Variants in UGGT2 observed in about 807,000 individuals in gnomAD.
The protein encoded by UGGT2 is UDP-glucose glycoprotein glucosyltransferase 2.
Under a neutral mutation model 192.1 loss-of-function variants are expected in UGGT2, and 180 were observed. The observed-to-expected ratio is 0.94, with a 90% CI of 0.83 to 1.06. The LOEUF (loss-of-function observed/expected upper bound fraction) is 1.06. Among genes scored for constraint, UGGT2 ranks in the 50% least tolerant of loss-of-function variants. The probability of loss-of-function intolerance (pLI) is 0.00; values close to 1 mark genes in which losing one functional copy is unlikely to be tolerated. For synonymous variants in UGGT2, 580 were observed against 591.0 expected, an observed-to-expected ratio of 0.98 and a Z score of 0.27; for missense variants, 1,849 against 1,795.7, an observed-to-expected ratio of 1.03 and a Z score of -0.54.
At chr13:95,846,841 G>A (rs982030922) in intron 36 of UGGT2, among the ~76,000 whole-genome samples, 8 of 152,146 alleles carry the variant, frequency 5.3e-5, no homozygotes, top group Non-Finnish European at 1.2e-4. Flanking sequence ...GGTATTACCA[G>A]AAAGTTGATT....
chr13:95,942,072 T>C (rs1370623495), intron 15 of UGGT2, among the ~76,000 whole-genome samples: 2 of 152,230 alleles, frequency 1.3e-5, no homozygotes, highest in Non-Finnish European at 2.9e-5. Flanking sequence ...GCATATGATA[T>C]TTCATTCTAA....
rs1186455294 is a variant in UGGT2, at chr13:96,039,132, T to G, written c.159-7161A>C. ...GTTTCAAAGCCTGAGAATAACTCTC[T>G]GTGGCCTGATGCTTCACCCTCTGTG... is the stretch of plus-strand genomic sequence containing the variant. On this transcript the variant is annotated intron_variant, in intron 1 of 38. Coordinates refer to ENST00000376747, the MANE Select transcript of UGGT2 (RefSeq NM_020121.4). 2.6e-5 allele frequency among the ~76,000 whole-genome samples: 4 copies of G among 152,230 alleles called. No homozygotes were observed. In the East Asian group the frequency reaches 7.7e-4, roughly 29 times the overall value.
intron 17 of UGGT2, among the ~76,000 whole-genome samples, chr13:95,932,657 T>C (rs73560819): frequency 0.018 from 2,763 of 152,286 alleles, 85 homozygotes; most frequent in African/African-American, 0.063. Context: ...TGGGCATCCT[T>C]TTCCTGTTCC....
intron 20 of UGGT2, 60 bp from the exon 21 acceptor site, chr13:95,903,120 TA>T: frequency 6.7e-7 from 1 of 1,500,322 alleles, no homozygotes; most frequent in Non-Finnish European, 9.0e-7. Context: ...TACAGGTGAA[TA>T]TATTTTCTTT....
chr13:96,000,226 T>C (rs1466774502), intron 5 of UGGT2, among the ~76,000 whole-genome samples: 5 of 152,196 alleles, frequency 3.3e-5, no homozygotes, highest in Non-Finnish European at 7.3e-5. Flanking sequence ...AGGGACAGTT[T>C]TGCATGATAG....
chr13:96,031,508 GGTCTTGCTATACTGCCCAGGCTA>G (rs2052833838), intron 2 of UGGT2, among the ~76,000 whole-genome samples: 1 of 151,950 alleles, frequency 6.6e-6, no homozygotes, highest in Admixed American at 6.6e-5. Flanking sequence ...TTAGAAACAG[GGTCTTGCTATACTGCCCAGGCTA>G]GTCTCTGACT....
In UGGT2 at chr13:95,927,089, GA is replaced by G. The variant is rs1366392305; in HGVS notation, c.2138del (p.Phe713SerfsTer10). ...CAGCACTCTTATCTTGTGAATCCAA[GA>G]AAAAGAAAGTAGAGAAATCTTCAAC... is the stretch of plus-strand genomic sequence containing the variant. ...ADVEDFSTFF[F>X]LDSQDKSAVI... On this transcript the variant is annotated frameshift_variant, in exon 19 of 39. Coordinates refer to ENST00000376747, the MANE Select transcript of UGGT2 (RefSeq NM_020121.4). LOFTEE classifies it high-confidence loss of function. 3.7e-6 allele frequency: 6 copies of G among 1,611,304 alleles called. No individual in the cohort carries two copies. Among genetic ancestry groups the G allele is most frequent in the Admixed American group, 1.7e-5 (1 of 59,448 alleles).
intron 1 of UGGT2, among the ~76,000 whole-genome samples, chr13:96,042,791 T>C (rs2053202961): frequency 6.6e-6 from 1 of 151,882 alleles, no homozygotes; most frequent in African/African-American, 2.4e-5. Flanking sequence ...GGTTTTAAAA[T>C]TAACCCAATA....
chr13:95,894,684 G>T, intron 23 of UGGT2, 27 bp from the exon 24 acceptor site: 1 of 1,573,054 alleles, frequency 6.4e-7, no homozygotes, highest in Non-Finnish European at 8.7e-7. Context: ...AACAGTGTAT[G>T]AGTTTTTTGG....
At position 96,053,334 on chromosome 13, in the gene UGGT2, G is replaced by A; in HGVS notation, c.-22C>T. 3.2e-6 allele frequency: 5 copies of A among 1,578,280 alleles called. No individual in the cohort carries two copies. Among genetic ancestry groups the A allele is most frequent in the Non-Finnish European group, 4.3e-6 (5 of 1,171,826 alleles). ...CCATGGCACGGAGAGAAAAGCGCGA[G>A]TCCCTCGGACCCGGTACCCACAGTC... On this transcript the variant is annotated 5_prime_UTR_variant, in exon 1 of 39. Coordinates refer to ENST00000376747, the MANE Select transcript of UGGT2 (RefSeq NM_020121.4).
chr13:95,991,328 T>TAC lies in UGGT2; in HGVS notation c.831-1257_831-1256dup. On this transcript the variant is annotated intron_variant, in intron 7 of 38. Coordinates refer to ENST00000376747, the MANE Select transcript of UGGT2 (RefSeq NM_020121.4). ...GTCTTCCACAACGGTTGAACTCATC[T>TAC]ACACACACACCAACAGTGTAAAAGC... 3 of 331,512 alleles carry TAC rather than the reference T, an allele frequency of 9.0e-6. 1 individual carries two copies. The highest frequency in any genetic ancestry group is 7.5e-5 in the South Asian group (3 of 39,906). 20.5% of individuals were successfully genotyped at this position (331,512 alleles called of 1,614,324 possible).
intron 36 of UGGT2, among the ~76,000 whole-genome samples, chr13:95,837,525 C>T (rs1887430430): frequency 1.3e-5 from 2 of 152,188 alleles, no homozygotes; most frequent in Admixed American, 6.5e-5. Context: ...CTATTGCTCA[C>T]ATTATGCCTG....
chr13:95,986,289 A>T (rs771594035), intron 9 of UGGT2, 44 bp downstream of exon 9: 6 of 1,309,036 alleles, frequency 4.6e-6, no homozygotes, highest in Admixed American at 3.9e-5. Context: ...CTCATTTAAT[A>T]GAAAGAGTTA....
chr13:95,808,782 A>T (rs370420645), intron 38 of UGGT2, among the ~76,000 whole-genome samples: 1 of 152,336 alleles, frequency 6.6e-6, no homozygotes, highest in East Asian at 1.9e-4. Flanking sequence ...TTTCATTCAC[A>T]GCACATTCAC....
intron 19 of UGGT2, 144 bp from the exon 20 acceptor site, chr13:95,925,918 T>C (rs754054350): frequency 2.0e-6 from 1 of 494,170 alleles, no homozygotes; most frequent in East Asian, 3.2e-5. Context: ...TATGTGTGAA[T>C]GTATACATGC....
intron 38 of UGGT2, among the ~76,000 whole-genome samples, chr13:95,813,565 A>C (rs1426832363): frequency 6.6e-6 from 1 of 152,212 alleles, no homozygotes; most frequent in Non-Finnish European, 1.5e-5. Flanking sequence ...AAAGGGAAGC[A>C]GGGTGTAAAA....
intron 2 of UGGT2, among the ~76,000 whole-genome samples, chr13:96,029,008 G>A (rs1030378850): frequency 3.6e-4 from 54 of 151,938 alleles, no homozygotes; most frequent in Middle Eastern, 3.4e-3. Flanking sequence ...AAAATTAGCC[G>A]GGCGTGGTGG....
intron 5 of UGGT2, among the ~76,000 whole-genome samples, chr13:96,003,034 T>C (rs2051857463): frequency 6.6e-6 from 1 of 152,150 alleles, no homozygotes; most frequent in Non-Finnish European, 1.5e-5. Context: ...GCAACATGAA[T>C]GACGTGCACG....
intron 4 of UGGT2, among the ~76,000 whole-genome samples, chr13:96,016,759 A>G (rs2139088369): frequency 6.6e-6 from 1 of 152,326 alleles, no homozygotes; most frequent in South Asian, 2.1e-4. Context: ...CCCCACCTGG[A>G]TACTGCCTAG....
Sources: gnomAD v4.1 joint callset for allele counts (sites outside exome capture counted in the v4.1 genomes callset) on GRCh38, gnomAD v4.1.1 for gene constraint, MANE v1.5 for transcripts, NCBI Gene and HGNC (gene_info 2026-07-23, HGNC 2026-07-21) for gene names.